Variants in PCDHA6 observed in about 807,000 individuals in gnomAD.
The protein encoded by PCDHA6 is protocadherin alpha-6.
Under a neutral mutation model 60.3 loss-of-function variants are expected in PCDHA6, and 55 were observed. The observed-to-expected ratio is 0.91, with a 90% CI of 0.73 to 1.14. The LOEUF is 1.14. Among genes scored for constraint, PCDHA6 ranks in the 50% most tolerant of loss-of-function variants. The pLI, the probability that PCDHA6 is intolerant of heterozygous loss-of-function variation, is 0.00. For synonymous variants in PCDHA6, 652 were observed against 557.9 expected (o/e 1.17, Z -2.38); for missense variants, 1,327 against 1,256.5 (o/e 1.06, Z -0.85).
chr5:140,854,665 T>C (rs2043184095), intron 1 of PCDHA6: 1 of 150,092 alleles, frequency 6.7e-6, no homozygotes, highest in Non-Finnish European at 1.5e-5. Context: ...AATTAACCCT[T>C]GCATAAGACC....
chr5:140,835,450 C>G lies in PCDHA6; in HGVS notation c.2394+4965C>G, dbSNP rs2150235992. 4 of 1,613,938 alleles carry G rather than the reference C, an allele frequency of 2.5e-6. No individual in the cohort carries two copies. The South Asian group carries it at 4.4e-5, about 18-fold the overall frequency. On this transcript the variant is annotated intron_variant, in intron 1 of 3. Coordinates refer to ENST00000529310, the MANE Select transcript of PCDHA6 (RefSeq NM_018909.4). The stretch of plus-strand genomic sequence containing the variant: ...CCACAGTTGACTCTCACTTCCCTGT[C>G]TCTCCCTATTCCAGAGGACGCCCAA...
chr5:140,978,233 AT>A (rs1360475808), intron 1 of PCDHA6, among the ~76,000 whole-genome samples: 2 of 152,196 alleles, frequency 1.3e-5, no homozygotes, highest in African/African-American at 4.8e-5. Context: ...TTTTTCTTGG[AT>A]TTCAGCTACT....
chr5:140,843,822 A>T, intron 1 of PCDHA6: 1 of 1,214,324 alleles, frequency 8.2e-7, no homozygotes, highest in Non-Finnish European at 1.2e-6. Context: ...GTGAAAATTT[A>T]AACATTGTTT....
At position 140,841,739 on chromosome 5, in the gene PCDHA6, C is replaced by A. The variant is rs2150321877; in HGVS notation, c.2394+11254C>A. The A allele has an allele frequency of 3.7e-6, 6 of 1,613,880 alleles. No homozygotes were observed. In the South Asian group the frequency reaches 6.6e-5, roughly 18 times the overall value. On this transcript the variant is annotated intron_variant, in intron 1 of 3. Coordinates refer to ENST00000529310, the MANE Select transcript of PCDHA6 (RefSeq NM_018909.4). ...AGTGTTCCGGGTAAAAGACCAAAAG[C>A]TGTTTGTTTCAGAATCCAGAATGCC...
At chr5:140,836,151 G>T (rs2150254234) in intron 1 of PCDHA6, 3 of 1,613,828 alleles carry the variant, frequency 1.9e-6, no homozygotes, top group Middle Eastern at 3.3e-4. Context: ...CGCGGGCCAT[G>T]TGGTGGCGAA....
chr5:140,855,223 T>G lies in PCDHA6; in HGVS notation c.2394+24738T>G, dbSNP rs79371036. 4.7e-3 allele frequency among the ~76,000 whole-genome samples: 698 copies of G among 149,962 alleles called. 54 individuals are homozygous for G. Among genetic ancestry groups the G allele is most frequent in the Non-Finnish European group, 8.3e-3 (557 of 67,056 alleles). ...ATAGTTTCCATTTATGAAGCACTCATTCTCCTTAAGGTACTATTGCAAGCA... is the reference window on the plus strand; with the variant it reads ...ATAGTTTCCATTTATGAAGCACTCAGTCTCCTTAAGGTACTATTGCAAGCA... On this transcript the variant is annotated intron_variant, in intron 1 of 3. Coordinates refer to ENST00000529310, the MANE Select transcript of PCDHA6 (RefSeq NM_018909.4).
intron 1 of PCDHA6, chr5:140,835,983 C>T (rs1290587139): frequency 1.2e-6 from 2 of 1,613,326 alleles, no homozygotes; most frequent in Non-Finnish European, 1.7e-6. Flanking sequence ...GTTGCAGTTC[C>T]AGGTGAGCGC....
intron 1 of PCDHA6, among the ~76,000 whole-genome samples, chr5:140,844,982 A>T (rs2150375491): frequency 6.7e-6 from 1 of 149,170 alleles, no homozygotes; most frequent in East Asian, 1.9e-4. Context: ...TATTGTTTTA[A>T]ATCTTTTAAT....
At chr5:140,863,431 T>C (rs782746420) in intron 1 of PCDHA6, 12 of 648,614 alleles carry the variant, frequency 1.9e-5, no homozygotes, top group South Asian at 1.5e-4. Context: ...CGTAGTGGGA[T>C]CTGGTCTTAC....
At chr5:140,963,204 A>G (rs2095745825) in intron 1 of PCDHA6, among the ~76,000 whole-genome samples, 1 of 152,104 alleles carries the variant, frequency 6.6e-6, no homozygotes, top group African/African-American at 2.4e-5. Flanking sequence ...ATGAAAAAAA[A>G]AACCTCGTGT....
intron 1 of PCDHA6, chr5:140,928,751 C>T (rs1387564129): frequency 6.2e-7 from 1 of 1,614,180 alleles, no homozygotes; most frequent in Non-Finnish European, 8.5e-7. Flanking sequence ...GAGCTCCGTA[C>T]TGCTCGCTTA....
intron 1 of PCDHA6, among the ~76,000 whole-genome samples, chr5:140,840,836 TA>T (rs1554137914): frequency 6.6e-6 from 1 of 152,034 alleles, no homozygotes; most frequent in Non-Finnish European, 1.5e-5. Flanking sequence ...AAATAAATAT[TA>T]ATGCATTTCT....
At chr5:140,916,641 G>T (rs781877597) in intron 1 of PCDHA6, among the ~76,000 whole-genome samples, 2 of 152,150 alleles carry the variant, frequency 1.3e-5, no homozygotes, top group African/African-American at 2.4e-5. Context: ...TCCTACTGTG[G>T]CTGAGCTGGT....
intron 1 of PCDHA6, among the ~76,000 whole-genome samples, chr5:140,855,023 G>C (rs115040572): frequency 0.046 from 6,867 of 149,598 alleles, 637 homozygotes; most frequent in Middle Eastern, 0.088. Context: ...GAAACTTCTT[G>C]TATAAAGGAT....
rs139745274 is a variant in PCDHA6, at chr5:140,994,788, C to T, written c.2542+12225C>T. On this transcript the variant is annotated intron_variant, in intron 3 of 3. Coordinates refer to ENST00000529310, the MANE Select transcript of PCDHA6 (RefSeq NM_018909.4). ...AGAATTCCAGGCAAAGGAAACAATG[C>T]GTGCATGCAAAAACAAAATACAAAA... Among the ~76,000 whole-genome samples, 132 of 152,194 alleles carry T rather than the reference C, an allele frequency of 8.7e-4. 2 individuals carry two copies. The East Asian group carries it at 0.024, about 28-fold the overall frequency.
At position 140,843,365 on chromosome 5, in the gene PCDHA6, C is replaced by G. The variant is rs2150358343; in HGVS notation, c.2394+12880C>G. ...CCAGGCTCCAAAAGCGTCATCGAGGCAGTCGGCTGGCGTTTTGGGTCCGGA... is the reference window on the plus strand; with the variant it reads ...CCAGGCTCCAAAAGCGTCATCGAGGGAGTCGGCTGGCGTTTTGGGTCCGGA... On this transcript the variant is annotated intron_variant, in intron 1 of 3. Transcript: ENST00000529310. 3 of 1,595,994 alleles carry G rather than the reference C, an allele frequency of 1.9e-6. No individual in the cohort carries two copies. The highest frequency in any genetic ancestry group is 2.6e-6 in the Non-Finnish European group (3 of 1,165,606).
At chr5:140,844,829 G>A (rs1252495421) in intron 1 of PCDHA6, among the ~76,000 whole-genome samples, 1 of 148,848 alleles carries the variant, frequency 6.7e-6, no homozygotes, top group East Asian at 1.9e-4. Flanking sequence ...CTTTTTACAC[G>A]TTTGCTTCTT....
At chr5:140,915,572 C>T (rs2077180575) in intron 1 of PCDHA6, among the ~76,000 whole-genome samples, 1 of 152,106 alleles carries the variant, frequency 6.6e-6, no homozygotes, top group Admixed American at 6.6e-5. Context: ...ATCTGGATTG[C>T]CAGGCAAAAG....
In PCDHA6 at chr5:140,926,973, G is replaced by T. The variant is rs369317394; in HGVS notation, c.2395-51976G>T. 5.0e-6 allele frequency: 8 copies of T among 1,609,646 alleles called. No homozygotes were observed. The African/African-American group carries it at 1.1e-4, about 21-fold the overall frequency. On this transcript the variant is annotated intron_variant, in intron 1 of 3. Transcript: ENST00000529310. ...CGGGACAGCTCGAGTACTCAGTGCC[G>T]GAGGAGACGGAGCGGGGCGTAGCCG...
Sources: gnomAD v4.1 joint callset for allele counts (sites outside exome capture counted in the v4.1 genomes callset) on GRCh38, gnomAD v4.1.1 for gene constraint, MANE v1.5 for transcripts, NCBI Gene and HGNC (gene_info 2026-07-23, HGNC 2026-07-21) for gene names.